Variants in MED27 observed in about 807,000 individuals in gnomAD.
MED27 encodes mediator complex subunit 27.
A neutral mutation model predicts 38.2 loss-of-function variants in MED27; 30 were observed. That is an observed-to-expected ratio of 0.79 (90% CI 0.59 to 1.07). MED27 has a LOEUF of 1.07. MED27 is among the 50% of genes least tolerant of loss of function. The probability of loss-of-function intolerance (pLI) is 0.00; values close to 1 mark genes in which losing one functional copy is unlikely to be tolerated. For synonymous variants in MED27, 122 were observed against 153.5 expected, an observed-to-expected ratio of 0.79 and a Z score of 1.52; for missense variants, 289 against 397.5, an observed-to-expected ratio of 0.73 and a Z score of 2.32.
intron 6 of MED27, among the ~76,000 whole-genome samples, chr9:131,869,636 A>G (rs1452606695): frequency 2.0e-5 from 3 of 152,186 alleles, no homozygotes; most frequent in African/African-American, 7.2e-5. Flanking sequence ...AAGGAAAGGG[A>G]GGGAGGAGAA....
At chr9:131,918,582 T>C (rs969251397) in intron 4 of MED27, among the ~76,000 whole-genome samples, 2 of 152,246 alleles carry the variant, frequency 1.3e-5, no homozygotes, top group African/African-American at 4.8e-5. Context: ...CATAAAGTGT[T>C]TTCTTTCTGC....
intron 2 of MED27, among the ~76,000 whole-genome samples, chr9:132,038,438 C>T (rs1303272360): frequency 6.6e-6 from 1 of 151,448 alleles, no homozygotes; most frequent in Non-Finnish European, 1.5e-5. Flanking sequence ...GTGATCCGCC[C>T]GCCTCGGCCT....
intron 3 of MED27, among the ~76,000 whole-genome samples, chr9:131,963,605 C>T (rs1831269347): frequency 6.6e-6 from 1 of 152,164 alleles, no homozygotes; most frequent in Non-Finnish European, 1.5e-5. Flanking sequence ...TCCTTCATGC[C>T]TATCTCTTCG....
At chr9:131,864,807 AGTTTCCC>A (rs1838709678) in intron 6 of MED27, among the ~76,000 whole-genome samples, 1 of 152,242 alleles carries the variant, frequency 6.6e-6, no homozygotes, top group African/African-American at 2.4e-5. Context: ...TCTAAGCCTC[AGTTTCCC>A]CTTCCATAAA....
intron 3 of MED27, among the ~76,000 whole-genome samples, chr9:132,000,665 A>T (rs1318439712): frequency 5.3e-5 from 8 of 152,218 alleles, no homozygotes; most frequent in Non-Finnish European, 1.0e-4. Context: ...TACAGCAATA[A>T]TAAGAAATAA....
intron 3 of MED27, among the ~76,000 whole-genome samples, chr9:132,002,428 C>A (rs1832256369): frequency 1.3e-5 from 2 of 152,188 alleles, no homozygotes; most frequent in Non-Finnish European, 2.9e-5. Context: ...AGGAGACAAA[C>A]CCACTTCCCA....
At chr9:131,943,074 T>C (rs1830816111) in intron 3 of MED27, among the ~76,000 whole-genome samples, 3 of 152,262 alleles carry the variant, frequency 2.0e-5, no homozygotes, top group East Asian at 1.9e-4. Context: ...AAAGACTGTA[T>C]GAAGCAAAAT....
intron 3 of MED27, among the ~76,000 whole-genome samples, chr9:131,985,695 TTG>T (rs202171659): frequency 6.0e-5 from 9 of 150,920 alleles, no homozygotes; most frequent in African/African-American, 2.0e-4. Flanking sequence ...ATAATTTTAA[TTG>T]TTTTTTTTTT....
At chr9:131,880,437 C>A (rs1394581249) in intron 6 of MED27, among the ~76,000 whole-genome samples, 1 of 152,192 alleles carries the variant, frequency 6.6e-6, no homozygotes, top group African/African-American at 2.4e-5. Flanking sequence ...GAAGGCACTA[C>A]CACCTCTCCC....
intron 4 of MED27, among the ~76,000 whole-genome samples, chr9:131,924,591 T>C (rs1830449881): frequency 6.6e-6 from 1 of 152,196 alleles, no homozygotes; most frequent in Admixed American, 6.5e-5. Flanking sequence ...ACTGAGGCCC[T>C]ACTGACCTGA....
intron 6 of MED27, among the ~76,000 whole-genome samples, chr9:131,871,408 A>G (rs550156186): frequency 6.6e-6 from 1 of 152,180 alleles, no homozygotes; most frequent in South Asian, 2.1e-4. Context: ...GGGGAGAAAA[A>G]CCCTCTTAAT....
chr9:132,055,397 G>T (rs1424396055), intron 2 of MED27, among the ~76,000 whole-genome samples: 1 of 152,206 alleles, frequency 6.6e-6, no homozygotes, highest in Non-Finnish European at 1.5e-5. Context: ...TGGAGCTTTT[G>T]TAAGTCCTCC....
At chr9:132,065,901 C>T (rs1833799899) in intron 2 of MED27, among the ~76,000 whole-genome samples, 2 of 152,232 alleles carry the variant, frequency 1.3e-5, no homozygotes, top group African/African-American at 4.8e-5. Flanking sequence ...TTTATAGCTG[C>T]CAAATACTGT....
At chr9:132,074,236 C>T (rs900478677) in intron 2 of MED27, among the ~76,000 whole-genome samples, 3 of 152,186 alleles carry the variant, frequency 2.0e-5, no homozygotes, top group African/African-American at 7.2e-5. Context: ...TAACATCATT[C>T]CATTAGATGG....
chr9:132,021,409 C>T (rs1025430629), intron 2 of MED27, among the ~76,000 whole-genome samples: 4 of 51,372 alleles, frequency 7.8e-5, no homozygotes, highest in African/African-American at 2.6e-4. Context: ...GAAGAAACAA[C>T]CATCATAGGG....
chr9:132,065,479 G>C (rs1246756012), intron 2 of MED27, among the ~76,000 whole-genome samples: 1 of 152,244 alleles, frequency 6.6e-6, no homozygotes, highest in Non-Finnish European at 1.5e-5. Context: ...TCTTGACACA[G>C]TCATTCTTTT....
intron 2 of MED27, among the ~76,000 whole-genome samples, chr9:132,074,567 A>G (rs759950297): frequency 2.6e-5 from 4 of 152,218 alleles, no homozygotes; most frequent in Non-Finnish European, 5.9e-5. Context: ...TGAATGATGA[A>G]AGCTTTACCA....
chr9:131,863,223 T>C, intron 6 of MED27, 83 bp from the exon 7 acceptor site: 1 of 1,094,344 alleles, frequency 9.1e-7, no homozygotes, highest in Non-Finnish European at 1.4e-6. Flanking sequence ...ACGCCTTCTG[T>C]GTGAAAACAG....
chr9:132,056,812 G>T (rs1463118560), intron 2 of MED27, among the ~76,000 whole-genome samples: 1 of 152,138 alleles, frequency 6.6e-6, no homozygotes, highest in Admixed American at 6.5e-5. Flanking sequence ...ACATTCAGTG[G>T]ACCAGAACAA....
Sources: allele counts gnomAD v4.1 joint callset (sites outside exome capture counted in the v4.1 genomes callset), GRCh38; gene constraint gnomAD v4.1.1; transcripts MANE v1.5; gene names NCBI Gene and HGNC (gene_info 2026-07-23, HGNC 2026-07-21).